The following SNTG2 variants were observed in gnomAD, a reference collection of about 807,000 sequenced individuals.
SNTG2 encodes syntrophin gamma 2.
A neutral mutation model predicts 70.9 loss-of-function variants in SNTG2; 74 were observed. The ratio of observed to expected loss-of-function variants is 1.04; its 90% confidence interval spans 0.86 to 1.27. The LOEUF is 1.27. Among genes scored for constraint, SNTG2 ranks in the 50% most tolerant of loss-of-function variants. The pLI is 0.00. For synonymous variants in SNTG2, 278 were observed against 273.8 expected (o/e 1.02, Z -0.15); for missense variants, 717 against 690.7 (o/e 1.04, Z -0.43).
intron 1 of SNTG2, among the ~76,000 whole-genome samples, chr2:1,061,848 C>A (rs1447847817): frequency 6.6e-6 from 1 of 151,928 alleles, no homozygotes; most frequent in Admixed American, 6.6e-5. Context: ...TGGAATGGAG[C>A]AATATAAAAA....
At chr2:1,289,892 G>A (rs534464052) in intron 14 of SNTG2, among the ~76,000 whole-genome samples, 3 of 152,266 alleles carry the variant, frequency 2.0e-5, no homozygotes, top group South Asian at 2.1e-4. Flanking sequence ...TGCAGTGTCC[G>A]TCTGTTTGTG....
chr2:1,258,183 G>C (rs1308333594), intron 12 of SNTG2, among the ~76,000 whole-genome samples: 1 of 152,146 alleles, frequency 6.6e-6, no homozygotes, highest in African/African-American at 2.4e-5. Flanking sequence ...GTGGAATTCA[G>C]GGTGATGTTT....
intron 1 of SNTG2, among the ~76,000 whole-genome samples, chr2:976,147 G>A (rs1660900425): frequency 6.6e-6 from 1 of 152,220 alleles, no homozygotes; most frequent in East Asian, 1.9e-4. Context: ...GATGAATCTG[G>A]AGTTTGTGGT....
intron 1 of SNTG2, among the ~76,000 whole-genome samples, chr2:1,018,871 C>G (rs941430123): frequency 3.3e-5 from 5 of 152,330 alleles, no homozygotes; most frequent in South Asian, 2.1e-4. Flanking sequence ...AGGGTTGGCT[C>G]CCAGCAGGTG....
Position 1,173,166 on chromosome 2 carries a change from G to T in SNTG2, c.574G>T (p.Gly192Ter). 1 of 1,613,900 alleles carries T rather than the reference G, an allele frequency of 6.2e-7. No individual in the cohort carries two copies. Among genetic ancestry groups the T allele is most frequent in the South Asian group, 1.1e-5 (1 of 91,066 alleles). ...PLFDSGLHLN[G>*]NSSTTAPSSP... ...CTTTGACAGCGGTTTGCATCTGAAC[G>T]GAAACTCCAGTACCACAGTAAGCAT... Residue 192 changes from glycine to a stop codon, truncating the protein, a stop_gained, in exon 8 of 17, where the codon GGA (glycine) becomes TGA (stop). Transcript: ENST00000308624. LOFTEE classifies it high-confidence loss of function.
chr2:1,187,887 A>C (rs1306698651), intron 8 of SNTG2, among the ~76,000 whole-genome samples: 1 of 152,238 alleles, frequency 6.6e-6, no homozygotes. Flanking sequence ...ACAAAGTAAA[A>C]ATAAAGACTT....
rs1011134239 is a variant in SNTG2 at position 1,323,078 on chromosome 2, A to C, written c.1488+6703A>C. Among the ~76,000 whole-genome samples, 4 of 152,326 alleles carry C rather than the reference A, an allele frequency of 2.6e-5. No individual in the cohort carries two copies. The East Asian group carries it at 7.7e-4, about 29-fold the overall frequency. On this transcript the variant is annotated intron_variant, in intron 16 of 16. Coordinates refer to ENST00000308624, the MANE Select transcript of SNTG2 (RefSeq NM_018968.4). ...GATTCAGAAAATTTTGACCAAAAGA[A>C]ACATTGTGCTGTGAGTCAGAGGCAG... is the stretch of plus-strand genomic sequence containing the variant.
rs1674978506 is a variant in SNTG2 at position 1,221,861 on chromosome 2, CTCTGTCTCTCT to C, written c.719+12632_719+12642del. Among the ~76,000 whole-genome samples, 8 of 36,464 alleles carry C rather than the reference CTCTGTCTCTCT, an allele frequency of 2.2e-4. 4 individuals carry two copies. Among genetic ancestry groups the C allele is most frequent in the South Asian group, 2.6e-3 (2 of 760 alleles). The allele number at this position is 36,464 out of a possible 152,430, so 23.9% of individuals were successfully genotyped here. On this transcript the variant is annotated intron_variant, in intron 9 of 16. Transcript: ENST00000308624. ...TCTCTGTCTCTGTCTCTGTCTCTGT[CTCTGTCTCTCT>C]CTCTCTCTGTCTCTGTCTGTGTCTC... is the stretch of plus-strand genomic sequence containing the variant.
At position 1,170,678 on chromosome 2, in the gene SNTG2, G is replaced by A. The variant is rs896794011; in HGVS notation, c.500-2414G>A. On this transcript the variant is annotated intron_variant, in intron 7 of 16. Coordinates refer to ENST00000308624, the MANE Select transcript of SNTG2 (RefSeq NM_018968.4). ...GCATTCTCTTAGCTGAACAGCATCCGTCCTAGGGAATATATCTGTGTATAC... is the reference window on the plus strand; with the variant it reads ...GCATTCTCTTAGCTGAACAGCATCCATCCTAGGGAATATATCTGTGTATAC... Among the ~76,000 whole-genome samples the A allele has an allele frequency of 1.4e-4, 21 of 152,144 alleles. 1 individual carries two copies. Among genetic ancestry groups the A allele is most frequent in the Admixed American group, 1.0e-3 (16 of 15,274 alleles).
chr2:1,010,175 G>T (rs946627957), intron 1 of SNTG2, among the ~76,000 whole-genome samples: 1 of 152,066 alleles, frequency 6.6e-6, no homozygotes, highest in Non-Finnish European at 1.5e-5. Flanking sequence ...ATGTCCACGG[G>T]GTGAGTTGAA....
intron 9 of SNTG2, among the ~76,000 whole-genome samples, chr2:1,224,747 GGTCCAGTC>G (rs558979726): frequency 2.3e-3 from 352 of 152,248 alleles, no homozygotes; most frequent in Middle Eastern, 6.8e-3. Context: ...ACCTGGACTG[GGTCCAGTC>G]TGCAGGCCTT....
intron 6 of SNTG2, among the ~76,000 whole-genome samples, chr2:1,142,056 G>C (rs1453914053): frequency 2.0e-5 from 3 of 152,190 alleles, no homozygotes; most frequent in Non-Finnish European, 4.4e-5. Flanking sequence ...TCCTCAAACA[G>C]ACTTGGACTT....
At chr2:977,965 T>A (rs1054406117) in intron 1 of SNTG2, among the ~76,000 whole-genome samples, 1 of 152,234 alleles carries the variant, frequency 6.6e-6, no homozygotes, top group African/African-American at 2.4e-5. Context: ...TCATTATCTG[T>A]AACATCAGCC....
At chr2:1,044,985 C>A (rs1213391840) in intron 1 of SNTG2, among the ~76,000 whole-genome samples, 1 of 151,606 alleles carries the variant, frequency 6.6e-6, no homozygotes, top group East Asian at 1.9e-4. Context: ...ACATCTGTTA[C>A]AATTAGGCTG....
At chr2:986,199 A>G (rs547064125) in intron 1 of SNTG2, among the ~76,000 whole-genome samples, 46 of 151,900 alleles carry the variant, frequency 3.0e-4, no homozygotes, top group African/African-American at 1.1e-3. Flanking sequence ...CAGGCAGCTC[A>G]TTTGGGGACA....
chr2:1,231,880 A>G (rs1676275947), intron 9 of SNTG2, among the ~76,000 whole-genome samples: 1 of 152,204 alleles, frequency 6.6e-6, no homozygotes, highest in Admixed American at 6.5e-5. Context: ...GCCGTGGTGG[A>G]ATGAACAAAT....
chr2:1,221,916 T>C (rs1344421340), intron 9 of SNTG2, among the ~76,000 whole-genome samples: 1 of 24,326 alleles, frequency 4.1e-5, no homozygotes, highest in Non-Finnish European at 7.5e-5. Flanking sequence ...TCTGTCTCTG[T>C]CTCTCTCTGT....
At chr2:1,098,768 G>C (rs1665564542) in intron 4 of SNTG2, among the ~76,000 whole-genome samples, 1 of 152,212 alleles carries the variant, frequency 6.6e-6, no homozygotes, top group African/African-American at 2.4e-5. Context: ...GTTCGTTGAA[G>C]TATCTGATAC....
intron 1 of SNTG2, among the ~76,000 whole-genome samples, chr2:1,018,740 TTAATAA>T (rs1007874330): frequency 3.3e-5 from 5 of 151,972 alleles, no homozygotes; most frequent in Non-Finnish European, 5.9e-5. Context: ...CAAAAAAAAA[TTAATAA>T]TAATAATAAA....
Sources: gnomAD v4.1 joint callset for allele counts (sites outside exome capture counted in the v4.1 genomes callset) on GRCh38, gnomAD v4.1.1 for gene constraint, MANE v1.5 for transcripts, NCBI Gene and HGNC (gene_info 2026-07-23, HGNC 2026-07-21) for gene names.